RAPH1: variants seen among roughly 807,000 people sequenced by gnomAD.
The protein encoded by RAPH1 is Ras association (RalGDS/AF-6) and pleckstrin homology domains 1, also known as ras-associated and pleckstrin homology domains-containing protein 1.
Under a neutral mutation model 88.1 loss-of-function variants are expected in RAPH1, and 18 were observed. The observed-to-expected ratio is 0.20, with a 90% confidence interval of 0.14 to 0.30. RAPH1 has a LOEUF of 0.30. Among genes scored for constraint, RAPH1 ranks in the 10% least tolerant of loss-of-function variants. The pLI is 1.00. For synonymous variants in RAPH1, 587 were observed against 559.0 expected, an observed-to-expected ratio of 1.05 and a Z score of -0.71; for missense variants, 1,448 against 1,543.2, an observed-to-expected ratio of 0.94 and a Z score of 1.03.
intron 4 of RAPH1, among the ~76,000 whole-genome samples, chr2:203,476,387 T>C (rs1156829667): frequency 6.6e-6 from 1 of 152,134 alleles, no homozygotes; most frequent in Non-Finnish European, 1.5e-5. Flanking sequence ...GCCAGGCTGG[T>C]CTTGAACTCC....
At position 203,436,744 on chromosome 2, in the gene RAPH1, A is replaced by G. The variant is rs961407065; in HGVS notation, c.*2693T>C. ...GCTGCAGAGCAGAGGGCAGTGAAAGAAGGCACAGTACTAGTGTCGTGCGGC... is the reference window on the plus strand; with the variant it reads ...GCTGCAGAGCAGAGGGCAGTGAAAGGAGGCACAGTACTAGTGTCGTGCGGC... On this transcript the variant is annotated 3_prime_UTR_variant, in exon 14 of 14. Coordinates refer to ENST00000319170, the MANE Select transcript of RAPH1 (RefSeq NM_213589.3). The G allele has an allele frequency of 6.6e-6, 1 of 152,272 alleles. No homozygotes were observed. Among genetic ancestry groups the G allele is most frequent in the Non-Finnish European group, 1.5e-5 (1 of 68,080 alleles). The allele number at this position is 152,272 out of a possible 1,614,324, so 9.4% of individuals were successfully genotyped here.
intron 1 of RAPH1, chr2:203,533,279 T>C (rs1690468117): frequency 6.6e-6 from 1 of 152,156 alleles, no homozygotes; most frequent in South Asian, 2.1e-4. Flanking sequence ...CAAATAATTC[T>C]TTATTACATT....
Position 203,437,706 on chromosome 2 carries a change from C to A in RAPH1, c.*1731G>T. Reference sequence around the variant, plus strand: ...TCGTGGAGTGTGGGTTATGCAAGACCTTGAGTATACTGTACTAATTAAGCA... The same window carrying A: ...TCGTGGAGTGTGGGTTATGCAAGACATTGAGTATACTGTACTAATTAAGCA... On this transcript the variant is annotated 3_prime_UTR_variant, in exon 14 of 14. Transcript: ENST00000319170. The A allele has an allele frequency of 6.3e-6, 1 of 157,946 alleles. No individual in the cohort carries two copies. Among genetic ancestry groups the A allele is most frequent in the Admixed American group, 6.4e-5 (1 of 15,628 alleles). The allele number at this position is 157,946 out of a possible 1,614,324, so 9.8% of individuals were successfully genotyped here. A position where few individuals can be genotyped will look rare whatever the true frequency, so the allele number is the denominator to read the frequency against.
In RAPH1 at chr2:203,448,665, T is replaced by C. The variant is rs1377588565; in HGVS notation, c.1512+73A>G. 7.9e-6 allele frequency: 8 copies of C among 1,013,696 alleles called. No homozygotes were observed. Among genetic ancestry groups the C allele is most frequent in the Admixed American group, 2.3e-5 (1 of 43,606 alleles). The allele number at this position is 1,013,696 out of a possible 1,614,324, so 62.8% of individuals were successfully genotyped here. A position where few individuals can be genotyped will look rare whatever the true frequency, so the allele number is the denominator to read the frequency against. On this transcript the variant is annotated intron_variant, in intron 11 of 13. Coordinates refer to ENST00000319170, the MANE Select transcript of RAPH1 (RefSeq NM_213589.3). The surrounding 1 kb of genome is among the most constrained non-coding windows in gnomAD (Gnocchi z 4.1). ...CATGAACATGAAATAGTCAGAATAG[T>C]TGTCATGAAAACGAAAACTATATCA... is the stretch of plus-strand genomic sequence containing the variant.
chr2:203,499,470 C>T (rs1326695371), intron 1 of RAPH1, among the ~76,000 whole-genome samples: 1 of 151,862 alleles, frequency 6.6e-6, no homozygotes, highest in Non-Finnish European at 1.5e-5. Context: ...ACCTGTAATC[C>T]CAGCACTTTG....
At chr2:203,457,813 C>G (rs1238565670) in intron 7 of RAPH1, among the ~76,000 whole-genome samples, 2 of 152,186 alleles carry the variant, frequency 1.3e-5, no homozygotes, top group African/African-American at 4.8e-5. Flanking sequence ...TCCTCCTTGC[C>G]TGTCCACTTG....
rs1437435980 is a variant in RAPH1, at chr2:203,448,113, CT to C, written c.1513-35del. Reference sequence around the variant, plus strand: ...AAGACAGGAAATGGTGACATCTAAACTTTACTGAGTATGATACAGAAGGATA... The same window carrying C: ...AAGACAGGAAATGGTGACATCTAAACTTACTGAGTATGATACAGAAGGATA... On this transcript the variant is annotated intron_variant, in intron 11 of 13. Coordinates refer to ENST00000319170, the MANE Select transcript of RAPH1 (RefSeq NM_213589.3). The surrounding 1 kb of genome is among the most constrained non-coding windows in gnomAD (Gnocchi z 4.1). The C allele has an allele frequency of 6.8e-6, 11 of 1,607,680 alleles. No individual in the cohort carries two copies. Among genetic ancestry groups the C allele is most frequent in the Middle Eastern group, 1.6e-4 (1 of 6,068 alleles).
intron 4 of RAPH1, among the ~76,000 whole-genome samples, chr2:203,484,487 TA>T (rs755770008): frequency 6.6e-6 from 1 of 151,946 alleles, no homozygotes; most frequent in Non-Finnish European, 1.5e-5. Context: ...AAATGTTGCA[TA>T]TACCCAGCAG....
intron 12 of RAPH1, chr2:203,447,312 G>A (rs1281841790): frequency 6.6e-6 from 1 of 150,778 alleles, no homozygotes; most frequent in African/African-American, 2.4e-5. Context: ...TATTCTCATT[G>A]TTCCTGGGGT....
chr2:203,450,773 G>T (rs1487040196), intron 10 of RAPH1, among the ~76,000 whole-genome samples: 2 of 152,194 alleles, frequency 1.3e-5, no homozygotes, highest in African/African-American at 4.8e-5. Flanking sequence ...GCTTTAGATG[G>T]CTCGCAACTG....
At position 203,438,333 on chromosome 2, in the gene RAPH1, C is replaced by T. The variant is rs556531990; in HGVS notation, c.*1104G>A. The T allele has an allele frequency of 1.3e-4, 46 of 359,116 alleles. No homozygotes were observed. Among genetic ancestry groups the T allele is most frequent in the South Asian group, 9.8e-4 (46 of 46,958 alleles). 22.2% of individuals were successfully genotyped at this position (359,116 alleles called of 1,614,324 possible). On this transcript the variant is annotated 3_prime_UTR_variant, in exon 14 of 14. Coordinates refer to ENST00000319170, the MANE Select transcript of RAPH1 (RefSeq NM_213589.3). ...CAGTTCTGTTCTCTCATCACCCTTC[C>T]CTTCTATAGAGCAATGCTCAAAAAA...
At chr2:203,531,344 C>T (rs754891085) in intron 1 of RAPH1, among the ~76,000 whole-genome samples, 7 of 151,928 alleles carry the variant, frequency 4.6e-5, no homozygotes, top group Non-Finnish European at 1.0e-4. Context: ...ACATGGCACA[C>T]GTATACCTAT....
chr2:203,471,650 T>C (rs987783229), intron 4 of RAPH1, among the ~76,000 whole-genome samples: 1 of 151,864 alleles, frequency 6.6e-6, no homozygotes, highest in Non-Finnish European at 1.5e-5. Flanking sequence ...ATAGATAAAA[T>C]ACACTACTTC....
intron 1 of RAPH1, among the ~76,000 whole-genome samples, chr2:203,504,688 T>C (rs1163402015): frequency 1.3e-5 from 2 of 150,826 alleles, no homozygotes; most frequent in Non-Finnish European, 2.9e-5. Context: ...AAAAAAAAGT[T>C]TGTCTTTTCT....
chr2:203,467,262 C>T (rs758967110), intron 4 of RAPH1, among the ~76,000 whole-genome samples: 1 of 152,008 alleles, frequency 6.6e-6, no homozygotes, highest in Non-Finnish European at 1.5e-5. Flanking sequence ...CCCAACCAAA[C>T]TCAGATAAAA....
At position 203,439,966 on chromosome 2, in the gene RAPH1, G is replaced by C. The variant is rs2098501886; in HGVS notation, c.3224C>G (p.Pro1075Arg). Residue 1075 changes from proline to arginine, a missense_variant, in exon 14 of 14, where the codon CCC becomes CGC. Pro to Arg is a moderately radical substitution (Grantham distance 103). Transcript: ENST00000319170. ...AGGAAGCTCTGTTTCAGGTGGAGGG[G>C]GTGGAAAATCAGAATCGGATGGAGG... Reference protein sequence around the residue: ...PSPPSDSDFPPPPPETELPLP... With the variant: ...PSPPSDSDFPRPPPETELPLP... 6.2e-7 allele frequency: 1 copy of C among 1,613,706 alleles called. No individual in the cohort carries two copies. Among genetic ancestry groups the C allele is most frequent in the South Asian group, 1.1e-5 (1 of 91,054 alleles).
rs1250587612 is a variant in RAPH1 at position 203,530,466 on chromosome 2, T to C, written c.-1+4645A>G. Among the ~76,000 whole-genome samples, 6 of 152,228 alleles carry C rather than the reference T, an allele frequency of 3.9e-5. 1 individual carries two copies. The highest frequency in any genetic ancestry group is 3.8e-4 in the East Asian group (2 of 5,200). On this transcript the variant is annotated intron_variant, in intron 1 of 13. Coordinates refer to ENST00000319170, the MANE Select transcript of RAPH1 (RefSeq NM_213589.3). ...ACAGTCCCATCTACAGTCTTCAGGA[T>C]ACTCTTCAAATACACTGATCCAAAT...
intron 4 of RAPH1, among the ~76,000 whole-genome samples, chr2:203,467,942 A>AT (rs542366940): frequency 1.1e-4 from 17 of 150,884 alleles, no homozygotes; most frequent in East Asian, 4.0e-4. Context: ...TAATTTTTGT[A>AT]TTTTTTTTGT....
chr2:203,524,526 C>T (rs1690032262), intron 1 of RAPH1, among the ~76,000 whole-genome samples: 1 of 152,070 alleles, frequency 6.6e-6, no homozygotes, highest in Non-Finnish European at 1.5e-5. Context: ...TAATGGAATA[C>T]TTTAGCAATA....
Sources: gnomAD v4.1 joint callset for allele counts (sites outside exome capture counted in the v4.1 genomes callset) on GRCh38, gnomAD v4.1.1 for gene constraint, Gnocchi (gnomAD v3.1) non-coding constraint, MANE v1.5 for transcripts, NCBI Gene and HGNC (gene_info 2026-07-23, HGNC 2026-07-21) for gene names.